Variants in MCC observed in about 807,000 individuals in gnomAD.
The protein encoded by MCC is colorectal mutant cancer protein.
In MCC, 90 loss-of-function variants were observed where a neutral mutation model predicts 116.2. The ratio of observed to expected loss-of-function variants is 0.77; its 90% confidence interval spans 0.65 to 0.92. The LOEUF is 0.92. MCC is among the 40% of genes least tolerant of loss of function. The probability of loss-of-function intolerance (pLI) is 0.00; values close to 1 mark genes in which losing one functional copy is unlikely to be tolerated. For missense variants in MCC, 1,516 were observed against 1,312.2 expected, an observed-to-expected ratio of 1.16 and a Z score of -2.40; for synonymous variants, 578 against 510.5, an observed-to-expected ratio of 1.13 and a Z score of -1.78.
intron 1 of MCC, among the ~76,000 whole-genome samples, chr5:113,447,478 A>C (rs1157378657): frequency 6.6e-6 from 1 of 152,188 alleles, no homozygotes; most frequent in Non-Finnish European, 1.5e-5. Flanking sequence ...ATCTCTCCCT[A>C]TACAGTGATC....
Position 113,027,318 on chromosome 5 carries a change from T to C in MCC, c.3044A>G (p.Asn1015Ser). The C allele has an allele frequency of 3.1e-6, 5 of 1,614,156 alleles. No homozygotes were observed. Among genetic ancestry groups the C allele is most frequent in the Non-Finnish European group, 3.4e-6 (4 of 1,179,990 alleles). The change falls in exon 19 of 19, where the codon AAT becomes AGT. Residue 1015 changes from asparagine to serine, a missense_variant. By Grantham distance (46) the Asn-to-Ser change is conservative. Coordinates refer to ENST00000408903, the MANE Select transcript of MCC (RefSeq NM_001085377.2). ...GAGTGCTGATTAAAGCGAAGTTTCA[T>C]TGGTGTGTGGCCTGGAGTTCTCCTC... ...LEEENSRPHT[N>S]ETSL
chr5:113,340,383 A>G, intron 3 of MCC, 136 bp downstream of exon 3: 1 of 775,216 alleles, frequency 1.3e-6, no homozygotes, highest in East Asian at 2.7e-5. Context: ...ATTACTGGCA[A>G]TGCTGGAAAT....
intron 2 of MCC, among the ~76,000 whole-genome samples, chr5:113,372,919 C>G (rs999922729): frequency 1.3e-5 from 2 of 152,048 alleles, no homozygotes; most frequent in African/African-American, 4.8e-5. Context: ...TGGCTCAAGC[C>G]TGTAATCCCA....
At chr5:113,044,684 C>T (rs933993011) in intron 16 of MCC, among the ~76,000 whole-genome samples, 2 of 152,200 alleles carry the variant, frequency 1.3e-5, no homozygotes, top group African/African-American at 4.8e-5. Context: ...AAGCGATTCT[C>T]CCACCTCAGC....
chr5:113,340,440 C>T, intron 3 of MCC, 79 bp downstream of exon 3: 1 of 1,214,042 alleles, frequency 8.2e-7, no homozygotes, highest in Admixed American at 1.7e-5. Flanking sequence ...GATATGTCCC[C>T]TGGAGCACAA....
chr5:113,463,421 GA>G (rs1281381068), intron 1 of MCC, among the ~76,000 whole-genome samples: 1 of 152,178 alleles, frequency 6.6e-6, no homozygotes, highest in Non-Finnish European at 1.5e-5. Flanking sequence ...AATCATAAGG[GA>G]GATGGAAAGA....
intron 1 of MCC, among the ~76,000 whole-genome samples, chr5:113,470,082 CAT>C (rs1257169536): frequency 2.0e-5 from 3 of 152,050 alleles, no homozygotes; most frequent in Admixed American, 6.6e-5. Context: ...TGTCTCTGCA[CAT>C]GAGATGGGTT....
chr5:113,088,634 A>T (rs78669423), intron 8 of MCC, among the ~76,000 whole-genome samples: 3,716 of 152,084 alleles, frequency 0.024, 131 homozygotes, highest in African/African-American at 0.078. Flanking sequence ...GTGAAGATGA[A>T]AGCAGAGATT....
chr5:113,333,659 T>G (rs1294337924), intron 3 of MCC, among the ~76,000 whole-genome samples: 1 of 150,060 alleles, frequency 6.7e-6, no homozygotes, highest in Non-Finnish European at 1.5e-5. Flanking sequence ...GAAATGAGTC[T>G]GACTGTGTTT....
At chr5:113,048,851 T>G (rs1203304332) in intron 16 of MCC, 1 of 584,698 alleles carries the variant, frequency 1.7e-6, no homozygotes, top group Non-Finnish European at 3.0e-6. Context: ...ACCCCTCTGA[T>G]GTGACTGTGA....
intron 3 of MCC, among the ~76,000 whole-genome samples, chr5:113,207,683 GC>G (rs1402832704): frequency 6.6e-6 from 1 of 152,052 alleles, no homozygotes; most frequent in Non-Finnish European, 1.5e-5. Context: ...TAAAATATGA[GC>G]ACATTTACAA....
intron 1 of MCC, among the ~76,000 whole-genome samples, chr5:113,459,176 T>TGTGA (rs1771670955): frequency 8.8e-6 from 1 of 113,910 alleles, no homozygotes. Flanking sequence ...TGTGTGTGTG[T>TGTGA]GTGAAGTGGG....
At chr5:113,062,764 C>T (rs528027190) in intron 14 of MCC, among the ~76,000 whole-genome samples, 1 of 152,312 alleles carries the variant, frequency 6.6e-6, no homozygotes, top group East Asian at 1.9e-4. Context: ...GGGCACCTGG[C>T]TGAGTGCATT....
intron 1 of MCC, among the ~76,000 whole-genome samples, chr5:113,478,967 T>C (rs567875617): frequency 6.6e-6 from 1 of 152,334 alleles, no homozygotes; most frequent in Admixed American, 6.5e-5. Flanking sequence ...GTTAGCTGTA[T>C]CTTATCTGAA....
intron 3 of MCC, among the ~76,000 whole-genome samples, chr5:113,334,455 C>G (rs1767821623): frequency 6.6e-6 from 1 of 151,370 alleles, no homozygotes; most frequent in African/African-American, 2.5e-5. Context: ...ATCTGCCCAC[C>G]TTGGCCTCCC....
chr5:113,304,403 G>C (rs994054182), intron 3 of MCC, among the ~76,000 whole-genome samples: 5 of 152,150 alleles, frequency 3.3e-5, no homozygotes, highest in African/African-American at 4.8e-5. Context: ...AGCAAAGAAA[G>C]CACCCCCGTG....
intron 8 of MCC, among the ~76,000 whole-genome samples, chr5:113,097,956 G>A (rs1756133503): frequency 6.6e-6 from 1 of 152,194 alleles, no homozygotes. Context: ...TCCAAGACAT[G>A]CAGAAAATAC....
intron 4 of MCC, among the ~76,000 whole-genome samples, chr5:113,149,465 G>A (rs1759723132): frequency 6.6e-6 from 1 of 151,980 alleles, no homozygotes; most frequent in South Asian, 2.1e-4. Context: ...CCTATAGTGG[G>A]AAAAGGCACT....
At chr5:113,099,492 AT>A (rs772690258) in intron 8 of MCC, among the ~76,000 whole-genome samples, 12 of 152,354 alleles carry the variant, frequency 7.9e-5, no homozygotes, top group South Asian at 2.1e-4. Flanking sequence ...ACTACTACTA[AT>A]TTTTTGAGCA....
Sources: gnomAD v4.1 joint callset for allele counts (sites outside exome capture counted in the v4.1 genomes callset) on GRCh38, gnomAD v4.1.1 for gene constraint, MANE v1.5 for transcripts, NCBI Gene and HGNC (gene_info 2026-07-23, HGNC 2026-07-21) for gene names.